The following KLF17 variants were observed in gnomAD, a reference collection of about 807,000 sequenced individuals.
KLF17 encodes the protein Krueppel-like factor 17.
A neutral mutation model predicts 34.2 loss-of-function variants in KLF17; 31 were observed. The observed-to-expected ratio is 0.91, with a 90% CI of 0.68 to 1.22. The LOEUF (loss-of-function observed/expected upper bound fraction) is 1.22. Ranked by LOEUF, KLF17 falls within the 50% of genes most tolerant of loss-of-function variation. The pLI is 0.00. For synonymous variants in KLF17, 179 were observed against 186.7 expected, an observed-to-expected ratio of 0.96 and a Z score of 0.34; for missense variants, 478 against 505.2, an observed-to-expected ratio of 0.95 and a Z score of 0.52.
chr1:44,071,875 C>T, the KLF17 span, among the ~76,000 whole-genome samples: 2 of 152,128 alleles, frequency 1.3e-5, no homozygotes, highest in Non-Finnish European at 2.9e-5. Flanking sequence ...TACCTGCTGT[C>T]TGCTCCGGTA....
chr1:44,101,848 G>A, the KLF17 span, among the ~76,000 whole-genome samples: 8 of 151,736 alleles, frequency 5.3e-5, no homozygotes, highest in Admixed American at 2.6e-4. Flanking sequence ...GCAATGTAGT[G>A]AAACCGTGTT....
chr1:44,130,329 C>T (rs1211784603), intron 2 of KLF17, 133 bp downstream of exon 2: 41 of 1,436,420 alleles, frequency 2.9e-5, no homozygotes, highest in East Asian at 2.3e-5. Flanking sequence ...ACTGGCCCCC[C>T]GACTTGCCAT....
chr1:44,085,807 C>CAAAA, the KLF17 span, among the ~76,000 whole-genome samples: 554 of 62,906 alleles, frequency 8.8e-3, no homozygotes, highest in Middle Eastern at 0.043. Flanking sequence ...TCTGTCTCAA[C>CAAAA]AAAAAAAAAA....
the KLF17 span, among the ~76,000 whole-genome samples, chr1:44,075,858 T>C: frequency 1.3e-5 from 2 of 152,260 alleles, no homozygotes; most frequent in Admixed American, 1.3e-4. Flanking sequence ...TTTTTGTTTA[T>C]GTGATCTGGT....
At chr1:44,056,129 C>A in the KLF17 span, among the ~76,000 whole-genome samples, 1 of 152,188 alleles carries the variant, frequency 6.6e-6, no homozygotes, top group African/African-American at 2.4e-5. Flanking sequence ...GTCTCCATCT[C>A]TTCTGCAATG....
At chr1:44,066,350 A>AC in the KLF17 span, among the ~76,000 whole-genome samples, 2 of 147,718 alleles carry the variant, frequency 1.4e-5, no homozygotes, top group South Asian at 2.1e-4. Flanking sequence ...TCCCCCCAAA[A>AC]AAAACAACAA....
At chr1:44,090,196 T>C in the KLF17 span, among the ~76,000 whole-genome samples, 1 of 147,714 alleles carries the variant, frequency 6.8e-6, no homozygotes, top group Non-Finnish European at 1.5e-5. Flanking sequence ...ATATGGCCCT[T>C]TTAAGAAAAA....
chr1:44,093,998 C>T, the KLF17 span, among the ~76,000 whole-genome samples: 2 of 152,204 alleles, frequency 1.3e-5, no homozygotes, highest in African/African-American at 2.4e-5. Context: ...TGAGTCTGAA[C>T]TACGTGAGTC....
At chr1:44,079,766 C>T in the KLF17 span, among the ~76,000 whole-genome samples, 1 of 152,064 alleles carries the variant, frequency 6.6e-6, no homozygotes, top group East Asian at 1.9e-4. Context: ...ATCCAGATAG[C>T]CAATTGTCTG....
At chr1:44,053,876 G>A in the KLF17 span, among the ~76,000 whole-genome samples, 21 of 152,342 alleles carry the variant, frequency 1.4e-4, no homozygotes, top group African/African-American at 4.8e-4. Flanking sequence ...CCGTGAACAT[G>A]CAGATGGAGT....
chr1:44,052,154 G>A, the KLF17 span: 1 of 152,208 alleles, frequency 6.6e-6, no homozygotes, highest in African/African-American at 2.4e-5. Context: ...GGCATTACCT[G>A]TCATCTTCAC....
the KLF17 span, among the ~76,000 whole-genome samples, chr1:44,083,492 A>G: frequency 6.6e-6 from 1 of 152,118 alleles, no homozygotes; most frequent in Non-Finnish European, 1.5e-5. Context: ...CTTAAGGCTA[A>G]AAGCTCATGA....
chr1:44,121,121 T>C (rs1285167540), intron 1 of KLF17, among the ~76,000 whole-genome samples: 3 of 152,198 alleles, frequency 2.0e-5, no homozygotes, highest in African/African-American at 4.8e-5. Context: ...TATATATATA[T>C]ACACTTTCTT....
At chr1:44,069,766 T>C in the KLF17 span, 3 of 152,408 alleles carry the variant, frequency 2.0e-5, no homozygotes, top group African/African-American at 7.2e-5. The surrounding 1 kb of genome is among the most constrained non-coding windows in gnomAD (Gnocchi z 4.7). Context: ...GTCTGTTTTT[T>C]AACCCTCGCT....
At chr1:44,090,306 CAAAAAAAAAAAAAA>C in the KLF17 span, among the ~76,000 whole-genome samples, 20 of 23,410 alleles carry the variant, frequency 8.5e-4, no homozygotes, top group South Asian at 3.1e-3. Flanking sequence ...CTTGTCTCTA[CAAAAAAAAAAAAAA>C]AAAAAAAAAA....
At chr1:44,050,086 C>T in the KLF17 span, among the ~76,000 whole-genome samples, 1 of 152,176 alleles carries the variant, frequency 6.6e-6, no homozygotes, top group Non-Finnish European at 1.5e-5. Context: ...ATATGCATAT[C>T]TTCACCTTTA....
At chr1:44,078,414 C>T in the KLF17 span, among the ~76,000 whole-genome samples, 1 of 150,640 alleles carries the variant, frequency 6.6e-6, no homozygotes. Flanking sequence ...CTCCTCTTCC[C>T]GGTTCTGGGG....
chr1:44,126,472 T>C (rs2088009580), intron 1 of KLF17, among the ~76,000 whole-genome samples: 2 of 152,224 alleles, frequency 1.3e-5, no homozygotes, highest in African/African-American at 4.8e-5. Flanking sequence ...AGCCTTCCTT[T>C]GGAAGTTACA....
chr1:44,054,571 C>T, the KLF17 span, among the ~76,000 whole-genome samples: 2 of 150,218 alleles, frequency 1.3e-5, no homozygotes, highest in South Asian at 2.1e-4. Context: ...AGCTCCACCT[C>T]CCGGGTTCAT....
Sources: gnomAD v4.1 joint callset for allele counts (sites outside exome capture counted in the v4.1 genomes callset) on GRCh38, gnomAD v4.1.1 for gene constraint, Gnocchi (gnomAD v3.1) non-coding constraint, MANE v1.5 for transcripts, NCBI Gene and HGNC (gene_info 2026-07-23, HGNC 2026-07-21) for gene names.